ZNF678: variants seen among roughly 807,000 people sequenced by gnomAD.
ZNF678 encodes the protein hypothetical protein MGC42493.
A neutral mutation model predicts 3.0 loss-of-function variants in ZNF678; 5 were observed. The observed-to-expected ratio is 1.69, with a 90% CI of 0.88 to 3.56. The LOEUF (loss-of-function observed/expected upper bound fraction) is 3.56. ZNF678 is among the 30% of genes most tolerant of loss of function. ZNF678 has a pLI of 0.00. For synonymous variants in ZNF678, 218 were observed against 199.6 expected (o/e 1.09, Z -0.78); for missense variants, 593 against 605.0 (o/e 0.98, Z 0.21).
intron 1 of ZNF678, among the ~76,000 whole-genome samples, chr1:227,592,511 G>A (rs1036833168): frequency 1.3e-5 from 2 of 152,206 alleles, no homozygotes; most frequent in Admixed American, 6.5e-5. Context: ...AAAGGGATTT[G>A]TCAGGTCAGG....
At chr1:227,601,624 G>T (rs1657741433) in intron 1 of ZNF678, among the ~76,000 whole-genome samples, 2 of 151,916 alleles carry the variant, frequency 1.3e-5, no homozygotes, top group African/African-American at 4.8e-5. Context: ...AAGTGCAGTG[G>T]TGCAATCTTG....
At chr1:227,579,935 T>C (rs1481017979) in intron 1 of ZNF678, among the ~76,000 whole-genome samples, 1 of 152,030 alleles carries the variant, frequency 6.6e-6, no homozygotes, top group Non-Finnish European at 1.5e-5. Context: ...ATCAAACCCT[T>C]TGGGCTCTGC....
intron 1 of ZNF678, chr1:227,599,136 T>A: frequency 7.0e-7 from 1 of 1,419,478 alleles, no homozygotes; most frequent in South Asian, 1.1e-5. Flanking sequence ...TAGGCCAGGA[T>A]GTAGAACATA....
At chr1:227,613,962 C>A (rs1229321375) in intron 1 of ZNF678, among the ~76,000 whole-genome samples, 3 of 152,212 alleles carry the variant, frequency 2.0e-5, no homozygotes, top group Non-Finnish European at 4.4e-5. Context: ...ATTAGCATCT[C>A]CAGTCTTTGA....
chr1:227,604,925 C>T (rs867364774), intron 1 of ZNF678, among the ~76,000 whole-genome samples: 3 of 151,900 alleles, frequency 2.0e-5, no homozygotes, highest in East Asian at 1.9e-4. Flanking sequence ...GTGCAATCTC[C>T]GCTCACTGCA....
intron 1 of ZNF678, among the ~76,000 whole-genome samples, chr1:227,589,138 A>G (rs1657342313): frequency 6.6e-6 from 1 of 151,776 alleles, no homozygotes; most frequent in African/African-American, 2.4e-5. Context: ...GAAGCTCTTT[A>G]GTTTAATTAG....
chr1:227,607,748 A>C (rs1319610299), intron 1 of ZNF678, among the ~76,000 whole-genome samples: 1 of 146,136 alleles, frequency 6.8e-6, no homozygotes, highest in Admixed American at 6.9e-5. Flanking sequence ...TTTATTTTAT[A>C]ATATACATTT....
At chr1:227,581,879 C>G (rs1020739274) in intron 1 of ZNF678, among the ~76,000 whole-genome samples, 1 of 152,120 alleles carries the variant, frequency 6.6e-6, no homozygotes, top group Non-Finnish European at 1.5e-5. Flanking sequence ...CCACCAGCAG[C>G]GCATGAGAGT....
chr1:227,580,745 C>T (rs1278972192), intron 1 of ZNF678, among the ~76,000 whole-genome samples: 3 of 152,044 alleles, frequency 2.0e-5, no homozygotes, highest in African/African-American at 7.2e-5. Flanking sequence ...GCCTGACCAA[C>T]TACTAAAAAT....
At chr1:227,653,818 C>T (rs1190335947) in intron 3 of ZNF678, among the ~76,000 whole-genome samples, 1 of 152,118 alleles carries the variant, frequency 6.6e-6, no homozygotes, top group Non-Finnish European at 1.5e-5. Flanking sequence ...CAATTATTTA[C>T]CTTTTTCTTA....
intron 1 of ZNF678, among the ~76,000 whole-genome samples, chr1:227,568,258 A>C (rs78646314): frequency 1.3e-5 from 2 of 152,144 alleles, no homozygotes; most frequent in African/African-American, 2.4e-5. Flanking sequence ...TTCACACACA[A>C]AAAAATTTGC....
At chr1:227,621,569 G>A (rs1183598241) in intron 1 of ZNF678, among the ~76,000 whole-genome samples, 1 of 152,168 alleles carries the variant, frequency 6.6e-6, no homozygotes, top group Non-Finnish European at 1.5e-5. Flanking sequence ...TTATCTTTAG[G>A]TTTGTCTTCA....
intron 1 of ZNF678, among the ~76,000 whole-genome samples, chr1:227,606,123 G>A (rs1163431646): frequency 6.6e-6 from 1 of 152,178 alleles, no homozygotes; most frequent in Non-Finnish European, 1.5e-5. Context: ...AGAAAGAACA[G>A]GGGGCCCAGG....
chr1:227,632,480 C>A (rs1219846325), intron 1 of ZNF678, among the ~76,000 whole-genome samples: 1 of 152,086 alleles, frequency 6.6e-6, no homozygotes, highest in African/African-American at 2.4e-5. Flanking sequence ...GCCATGATCT[C>A]GACCGGCCAA....
At chr1:227,583,149 T>G (rs939601409) in intron 1 of ZNF678, among the ~76,000 whole-genome samples, 1 of 152,086 alleles carries the variant, frequency 6.6e-6, no homozygotes, top group Non-Finnish European at 1.5e-5. Flanking sequence ...GGGTCTATTA[T>G]TTCTAAGTTC....
intron 1 of ZNF678, among the ~76,000 whole-genome samples, chr1:227,641,889 A>G (rs1045164563): frequency 3.0e-4 from 45 of 152,214 alleles, no homozygotes; most frequent in Non-Finnish European, 2.9e-4. Context: ...ACATCTGTGT[A>G]TTGAGTAGGC....
chr1:227,593,998 T>A (rs1206827886), intron 1 of ZNF678, among the ~76,000 whole-genome samples: 1 of 152,010 alleles, frequency 6.6e-6, no homozygotes, highest in African/African-American at 2.4e-5. Context: ...CTGGTGCTGA[T>A]TTGCCGGAAA....
In ZNF678 at chr1:227,594,961, C is replaced by T. The variant is rs557178066; in HGVS notation, c.-164+31237C>T. Among the ~76,000 whole-genome samples the T allele has an allele frequency of 5.9e-5, 9 of 152,162 alleles. 2 individuals carry two copies. The highest frequency in any genetic ancestry group is 4.2e-4 in the South Asian group (2 of 4,818). On this transcript the variant is annotated intron_variant, in intron 1 of 3. Coordinates refer to ENST00000343776, the MANE Select transcript of ZNF678 (RefSeq NM_001367909.1). Reference sequence around the variant, plus strand: ...TAGCAAAGCAGTTGCTGCTACAGATCGAATGCATTTGGGCCATCTGTGGAT... The same window carrying T: ...TAGCAAAGCAGTTGCTGCTACAGATTGAATGCATTTGGGCCATCTGTGGAT...
In ZNF678 at chr1:227,657,264, C is replaced by T. The variant is rs1197219452; in HGVS notation, c.*1436C>T. 6.6e-6 allele frequency: 1 copy of T among 151,866 alleles called. No homozygotes were observed. Among genetic ancestry groups the T allele is most frequent in the East Asian group, 1.9e-4 (1 of 5,190 alleles). The allele number at this position is 151,866 out of a possible 1,614,324, so 9.4% of individuals were successfully genotyped here. A position where few individuals can be genotyped will look rare whatever the true frequency, so the allele number is the denominator to read the frequency against. On this transcript the variant is annotated 3_prime_UTR_variant, in exon 4 of 4. Coordinates refer to ENST00000343776, the MANE Select transcript of ZNF678 (RefSeq NM_001367909.1). ...TGTCTTTTGCCATGATACCCCTTTG[C>T]CTTTTATTATGCATAAAAGCTTCCT...
Sources: gnomAD v4.1 joint callset for allele counts (sites outside exome capture counted in the v4.1 genomes callset) on GRCh38, gnomAD v4.1.1 for gene constraint, MANE v1.5 for transcripts, NCBI Gene and HGNC (gene_info 2026-07-23, HGNC 2026-07-21) for gene names.